Variants in ST6GAL2 observed in about 807,000 individuals in gnomAD.
ST6GAL2 encodes ST6 beta-galactoside alpha-2,6-sialyltransferase 2.
ST6GAL2 carries 24 observed loss-of-function variants against 37.5 expected under a neutral mutation model. That is an observed-to-expected ratio of 0.64 (90% CI 0.46 to 0.90). The LOEUF is 0.90. Ranked by LOEUF, ST6GAL2 falls within the 40% of genes least tolerant of loss-of-function variation. The pLI is 0.00. For missense variants in ST6GAL2, 715 were observed against 712.7 expected (o/e 1.00, Z -0.04); for synonymous variants, 306 against 295.1 (o/e 1.04, Z -0.38).
At chr2:106,873,305 T>TA (rs1678356420) in intron 1 of ST6GAL2, among the ~76,000 whole-genome samples, 1 of 152,182 alleles carries the variant, frequency 6.6e-6, no homozygotes, top group Non-Finnish European at 1.5e-5. Context: ...GGGGTTGGGC[T>TA]AAACCCAAGA....
At chr2:106,831,169 C>T (rs1224666088) in intron 4 of ST6GAL2, among the ~76,000 whole-genome samples, 1 of 152,116 alleles carries the variant, frequency 6.6e-6, no homozygotes, top group Non-Finnish European at 1.5e-5. Flanking sequence ...ATGACTGGAC[C>T]AGAGTATCTT....
In ST6GAL2 at chr2:106,806,831, G is replaced by A. The variant is rs778941315; in HGVS notation, c.1437C>T (p.Leu479=). 20 of 1,614,026 alleles carry A rather than the reference G, an allele frequency of 1.2e-5. 1 individual carries two copies. In the South Asian group the frequency reaches 1.5e-4, roughly 12 times the overall value. Residue 479 remains leucine (L), a synonymous_variant, in exon 6 of 6, where the codon CTC becomes CTT. Transcript: ENST00000409382. ...CATAGAGTAGTGGGTGGTACGCCCC[G>A]AGGGTGCAGGCTGCGTCGTAGTACA... ...HELYYDAACT[L]GAYHPLLYEK... is the part of the protein sequence containing the mutation.
At position 106,879,724 on chromosome 2, in the gene ST6GAL2, T is replaced by C. The variant is rs928201576; in HGVS notation, c.-58+6369A>G. Among the ~76,000 whole-genome samples, 7 of 147,956 alleles carry C rather than the reference T, an allele frequency of 4.7e-5. No homozygotes were observed. The South Asian group carries it at 1.3e-3, about 27-fold the overall frequency. ...ATTATATAGACCAATTATATATTAT[T>C]ATATAGACCAATTATATATTATTAT... On this transcript the variant is annotated intron_variant, in intron 1 of 5. Coordinates refer to ENST00000409382, the MANE Select transcript of ST6GAL2 (RefSeq NM_001142351.2).
intron 1 of ST6GAL2, among the ~76,000 whole-genome samples, chr2:106,859,135 T>C (rs997352014): frequency 6.6e-6 from 1 of 152,134 alleles, no homozygotes; most frequent in Admixed American, 6.5e-5. Context: ...CCCCAGGAGT[T>C]AGAGGGAGAA....
At chr2:106,884,928 T>C (rs1417099199) in intron 1 of ST6GAL2, among the ~76,000 whole-genome samples, 1 of 123,778 alleles carries the variant, frequency 8.1e-6, no homozygotes, top group African/African-American at 3.5e-5. Context: ...TATATATATA[T>C]ATATATACAT....
chr2:106,832,186 C>G (rs1676449876), intron 4 of ST6GAL2, among the ~76,000 whole-genome samples: 1 of 152,226 alleles, frequency 6.6e-6, no homozygotes, highest in African/African-American at 2.4e-5. Context: ...TTCGTGCCAT[C>G]ACCTTCAATT....
At position 106,884,938 on chromosome 2, in the gene ST6GAL2, T is replaced by TAC. The variant is rs1553430039; in HGVS notation, c.-58+1153_-58+1154dup. On this transcript the variant is annotated intron_variant, in intron 1 of 5. Coordinates refer to ENST00000409382, the MANE Select transcript of ST6GAL2 (RefSeq NM_001142351.2). ...ATATATATATATATATATATATACA[T>TAC]ACACACACACACATATATACATATG... 3.2e-4 allele frequency among the ~76,000 whole-genome samples: 40 copies of TAC among 123,734 alleles called. 1 individual carries two copies. Among genetic ancestry groups the TAC allele is most frequent in the South Asian group, 2.0e-3 (8 of 3,968 alleles). The allele number at this position is 123,734 out of a possible 152,430, so 81.2% of individuals were successfully genotyped here. A position where few individuals can be genotyped will look rare whatever the true frequency, so the allele number is the denominator to read the frequency against.
At chr2:106,878,915 G>A (rs1003809858) in intron 1 of ST6GAL2, among the ~76,000 whole-genome samples, 2 of 152,106 alleles carry the variant, frequency 1.3e-5, no homozygotes, top group Non-Finnish European at 2.9e-5. Context: ...GACAGGGATC[G>A]ACATGGAGTA....
intron 1 of ST6GAL2, among the ~76,000 whole-genome samples, chr2:106,867,709 G>A (rs1373815397): frequency 6.6e-6 from 1 of 151,172 alleles, no homozygotes; most frequent in Non-Finnish European, 1.5e-5. Context: ...CCCCCAGCCC[G>A]ACCCCCGCCG....
At chr2:106,879,803 C>G in intron 1 of ST6GAL2, among the ~76,000 whole-genome samples, 1 of 146,804 alleles carries the variant, frequency 6.8e-6, no homozygotes, top group East Asian at 2.0e-4. Context: ...ATTATATAGA[C>G]AAATTATATA....
intron 1 of ST6GAL2, among the ~76,000 whole-genome samples, chr2:106,850,221 G>C (rs551022220): frequency 1.5e-4 from 23 of 152,324 alleles, no homozygotes; most frequent in African/African-American, 5.5e-4. Flanking sequence ...GAGGATGTCA[G>C]AGGACACAAA....
chr2:106,822,409 A>ACC (rs1336226235), intron 5 of ST6GAL2, among the ~76,000 whole-genome samples: 1 of 152,128 alleles, frequency 6.6e-6, no homozygotes, highest in Non-Finnish European at 1.5e-5. Flanking sequence ...ATTTACAATA[A>ACC]CTACAAATAA....
rs565578233 is a variant in ST6GAL2, at chr2:106,814,172, G to A, written c.1319-7223C>T. Among the ~76,000 whole-genome samples the A allele has an allele frequency of 2.6e-5, 4 of 152,238 alleles. No homozygotes were observed. The East Asian group carries it at 7.7e-4, about 29-fold the overall frequency. Reference sequence around the variant, plus strand: ...TTAGCTCATTTACACTGCATTATTTGTTGTTATCACACACTCAGGATTCAT... The same window carrying A: ...TTAGCTCATTTACACTGCATTATTTATTGTTATCACACACTCAGGATTCAT... On this transcript the variant is annotated intron_variant, in intron 5 of 5. Transcript: ENST00000409382.
intron 1 of ST6GAL2, among the ~76,000 whole-genome samples, chr2:106,877,774 C>A (rs550463032): frequency 8.5e-5 from 13 of 152,364 alleles, no homozygotes; most frequent in African/African-American, 2.9e-4. Context: ...GGTGTGAGCA[C>A]CTTCCTACAA....
chr2:106,861,246 T>C (rs544526018), intron 1 of ST6GAL2, among the ~76,000 whole-genome samples: 2 of 152,350 alleles, frequency 1.3e-5, no homozygotes, highest in South Asian at 2.1e-4. Context: ...AATATCCATA[T>C]TAAACAAGTA....
chr2:106,860,415 A>G (rs1482412532), intron 1 of ST6GAL2, among the ~76,000 whole-genome samples: 1 of 152,172 alleles, frequency 6.6e-6, no homozygotes, highest in Non-Finnish European at 1.5e-5. Context: ...CATAATTTCA[A>G]TGGGGGAGCC....
At chr2:106,830,485 G>A (rs1463180986) in intron 4 of ST6GAL2, among the ~76,000 whole-genome samples, 2 of 152,214 alleles carry the variant, frequency 1.3e-5, no homozygotes, top group Non-Finnish European at 2.9e-5. Context: ...AAAGGGACTA[G>A]ATCACGGATC....
At chr2:106,815,178 T>TC (rs778444657) in intron 5 of ST6GAL2, among the ~76,000 whole-genome samples, 64 of 152,150 alleles carry the variant, frequency 4.2e-4, no homozygotes, top group Admixed American at 1.0e-3. Flanking sequence ...AAATATGGAG[T>TC]CTAATTAGAA....
chr2:106,879,949 TAC>T (rs1678679757), intron 1 of ST6GAL2, among the ~76,000 whole-genome samples: 1 of 148,468 alleles, frequency 6.7e-6, no homozygotes, highest in Admixed American at 6.8e-5. Flanking sequence ...ATTATATATA[TAC>T]ATATAGACCA....
Sources: allele counts gnomAD v4.1 joint callset (sites outside exome capture counted in the v4.1 genomes callset), GRCh38; gene constraint gnomAD v4.1.1; transcripts MANE v1.5; gene names NCBI Gene and HGNC (gene_info 2026-07-23, HGNC 2026-07-21).